The following SEC14L4 variants were observed in gnomAD, a reference collection of about 807,000 sequenced individuals.
SEC14L4 encodes SEC14-like protein 4.
SEC14L4 carries 42 observed loss-of-function variants against 55.1 expected under a neutral mutation model. The observed-to-expected ratio is 0.76, with a 90% CI of 0.60 to 0.99. SEC14L4 has a LOEUF of 0.99. Among genes scored for constraint, SEC14L4 ranks in the 50% least tolerant of loss-of-function variants. The probability of loss-of-function intolerance (pLI) is 0.00; values close to 1 mark genes in which losing one functional copy is unlikely to be tolerated. For synonymous variants in SEC14L4, 206 were observed against 206.8 expected (o/e 1.00, Z 0.03); for missense variants, 445 against 512.1 (o/e 0.87, Z 1.27).
chr22:30,492,303 C>T, intron 8 of SEC14L4, 148 bp from the exon 9 acceptor site: 1 of 1,193,458 alleles, frequency 8.4e-7, no homozygotes, highest in Non-Finnish European at 1.2e-6. Context: ...CTTTATGTGG[C>T]TCCCAGCCCA....
At chr22:30,498,340 A>G (rs2146190264) in intron 2 of SEC14L4, among the ~76,000 whole-genome samples, 1 of 152,096 alleles carries the variant, frequency 6.6e-6, no homozygotes, top group East Asian at 1.9e-4. Context: ...ACTTCAAGCG[A>G]TCTGCCTGCC....
At chr22:30,500,028 CCTGG>C (rs1464814847) in intron 2 of SEC14L4, among the ~76,000 whole-genome samples, 3 of 152,118 alleles carry the variant, frequency 2.0e-5, no homozygotes, top group Admixed American at 2.0e-4. Context: ...CACCACCATG[CCTGG>C]CTAATTTTTG....
intron 1 of SEC14L4, among the ~76,000 whole-genome samples, chr22:30,504,335 G>A (rs895354039): frequency 9.9e-5 from 15 of 152,184 alleles, no homozygotes; most frequent in Admixed American, 7.2e-4. Flanking sequence ...GATCACAGGC[G>A]TGAGCCACCA....
At chr22:30,502,858 A>AT (rs1418770674) in intron 2 of SEC14L4, among the ~76,000 whole-genome samples, 2 of 151,440 alleles carry the variant, frequency 1.3e-5, no homozygotes, top group Non-Finnish European at 1.5e-5. Flanking sequence ...GCTTGTTATT[A>AT]TTTTTTTAGA....
Position 30,488,917 on chromosome 22 carries a change from A to G in SEC14L4, c.*1190T>C, listed in dbSNP as rs887141640. Reference sequence around the variant, plus strand: ...TTTTTTTTTTTTTTTTTTTTTGCCAATCTGCTCAAACACCCAGTTGGAACA... The same window carrying G: ...TTTTTTTTTTTTTTTTTTTTTGCCAGTCTGCTCAAACACCCAGTTGGAACA... On this transcript the variant is annotated 3_prime_UTR_variant, in exon 12 of 12. Transcript: ENST00000255858. 1.7e-4 allele frequency: 24 copies of G among 143,152 alleles called. No homozygotes were observed. Among genetic ancestry groups the G allele is most frequent in the African/African-American group, 6.1e-4 (23 of 37,418 alleles). 8.9% of individuals were successfully genotyped at this position (143,152 alleles called of 1,614,324 possible).
At chr22:30,493,939 G>C (rs1250980087) in intron 7 of SEC14L4, among the ~76,000 whole-genome samples, 1 of 152,186 alleles carries the variant, frequency 6.6e-6, no homozygotes, top group African/African-American at 2.4e-5. Context: ...AGGAGGCGGA[G>C]GTTGCAGTGA....
intron 8 of SEC14L4, 147 bp from the exon 9 acceptor site, chr22:30,492,302 G>T: frequency 8.3e-7 from 1 of 1,198,546 alleles, no homozygotes; most frequent in Non-Finnish European, 1.2e-6. Flanking sequence ...CCTTTATGTG[G>T]CTCCCAGCCC....
rs967699185 is a variant in SEC14L4, at chr22:30,492,052, G to T, written c.768C>A (p.Thr256=). 2 of 1,613,838 alleles carry T rather than the reference G, an allele frequency of 1.2e-6. No individual in the cohort carries two copies. ...TDPDGNPKCL[T]KINYGGEVPK... is the part of the protein sequence containing the mutation. ...CCATCCTCTGGGCACCCTGTACCTT[G>T]GTCAGGCACTTGGGGTTGCCATCGG... Residue 256 remains threonine (T), a synonymous_variant, in exon 9 of 12, where the codon ACC becomes ACA. Transcript: ENST00000255858.
intron 2 of SEC14L4, among the ~76,000 whole-genome samples, chr22:30,497,176 T>TA (rs1247856182): frequency 7.2e-5 from 11 of 151,952 alleles, no homozygotes; most frequent in Admixed American, 2.0e-4. Flanking sequence ...CCGTCTCTAC[T>TA]AAAAATACAA....
intron 3 of SEC14L4, 84 bp from the exon 4 acceptor site, chr22:30,495,726 T>C: frequency 6.2e-7 from 1 of 1,610,700 alleles, no homozygotes; most frequent in Non-Finnish European, 8.5e-7. Flanking sequence ...GCCACCAAGA[T>C]CCCACCACAG....
chr22:30,495,349 C>A lies in SEC14L4; in HGVS notation c.328G>T (p.Gly110Cys), dbSNP rs757861587. ...FNIIGSLDPK[G>C]LLLSASKQDM... ...TGCTTGGAGGCTGACAGCAGGAGAC[C>A]CTTGGGGTCGAGGGACCCAATGATG... Residue 110 changes from glycine to cysteine, a missense_variant, in exon 5 of 12, where the codon GGT becomes TGT. Transcript: ENST00000255858. 6.2e-7 allele frequency: 1 copy of A among 1,614,048 alleles called. No individual in the cohort carries two copies. Among genetic ancestry groups the A allele is most frequent in the South Asian group, 1.1e-5 (1 of 91,072 alleles).
chr22:30,504,456 T>G (rs1303677576), intron 1 of SEC14L4, among the ~76,000 whole-genome samples: 2 of 152,186 alleles, frequency 1.3e-5, no homozygotes, highest in Admixed American at 1.3e-4. Context: ...GGGTTTAGAT[T>G]TAGAGGCAAG....
chr22:30,495,638 A>G lies in SEC14L4; in HGVS notation c.179T>C (p.Met60Thr). The stretch of plus-strand genomic sequence containing the variant: ...CAGGTCTTGTTGCTTCCGGAACTCC[A>G]TGTGCTGCAGGAACACAGCAGGAGC... ...QKSEDMLRRHMEFRKQQDLDN... is the reference protein window; with the variant it reads ...QKSEDMLRRHTEFRKQQDLDN... Residue 60 changes from methionine (M) to threonine (T), a missense_variant, in exon 4 of 12, where the codon ATG becomes ACG. Coordinates refer to ENST00000255858, the MANE Select transcript of SEC14L4 (RefSeq NM_174977.4). The G allele has an allele frequency of 6.2e-7, 1 of 1,614,024 alleles. No individual in the cohort carries two copies. The highest frequency in any genetic ancestry group is 1.3e-5 in the African/African-American group (1 of 75,014).
At chr22:30,496,967 C>T (rs1038930691) in intron 2 of SEC14L4, among the ~76,000 whole-genome samples, 3 of 152,148 alleles carry the variant, frequency 2.0e-5, no homozygotes, top group African/African-American at 7.2e-5. Flanking sequence ...AAACAATATG[C>T]GGGGTCAGAG....
chr22:30,498,147 T>G (rs1936210399), intron 2 of SEC14L4, among the ~76,000 whole-genome samples: 1 of 145,836 alleles, frequency 6.9e-6, no homozygotes, highest in East Asian at 2.0e-4. Context: ...TTTTTTTTTT[T>G]GAGACAGAGT....
chr22:30,499,971 G>C (rs1205794214), intron 2 of SEC14L4, among the ~76,000 whole-genome samples: 1 of 151,676 alleles, frequency 6.6e-6, no homozygotes, highest in Non-Finnish European at 1.5e-5. Flanking sequence ...CTGGGTTCAA[G>C]CGATTCTCCT....
chr22:30,494,899 G>A lies in SEC14L4; in HGVS notation c.486C>T (p.His162=), dbSNP rs55650691. 16,432 of 1,613,580 alleles carry A rather than the reference G, an allele frequency of 0.01. 122 individuals carry two copies. The highest frequency in any genetic ancestry group is 0.014 in the Middle Eastern group (87 of 6,062). The change falls in exon 6 of 12, where the codon CAC becomes CAT. Residue 162 remains histidine (H), a synonymous_variant. Coordinates refer to ENST00000255858, the MANE Select transcript of SEC14L4 (RefSeq NM_174977.4). ...VFDMEGLSLK[H]LWKPAVEVYQ... is the part of the protein sequence containing the mutation. ...AGACCTCCACAGCTGGCTTCCACAG[G>A]TGTTTCAGGCTCAGCCCCTCCATGT...
chr22:30,495,816 G>C (rs1936131424), intron 3 of SEC14L4, 112 bp downstream of exon 3: 1 of 1,590,128 alleles, frequency 6.3e-7, no homozygotes, highest in Non-Finnish European at 8.6e-7. Flanking sequence ...ATCGGGGGAG[G>C]AAGAAAGAAG....
At position 30,491,575 on chromosome 22, in the gene SEC14L4, A is replaced by G. The variant is rs370511113; in HGVS notation, c.1079T>C (p.Val360Ala). Reference sequence around the variant, plus strand: ...CCAGTAAACCCCGCAGCTCTTACAGACGCCAGCCTGGAGGCAGGTGAGGCT... The same window carrying G: ...CCAGTAAACCCCGCAGCTCTTACAGGCGCCAGCCTGGAGGCAGGTGAGGCT... Reference protein sequence around the residue: ...DGSLTCLQAGVYVLRFDNTYS... With the variant: ...DGSLTCLQAGAYVLRFDNTYS... Residue 360 changes from valine to alanine, a missense_variant and splice_region_variant, in exon 11 of 12, where the codon GTC becomes GCC. Val to Ala is a moderately conservative substitution (Grantham distance 64). Transcript: ENST00000255858. The G allele has an allele frequency of 8.7e-6, 14 of 1,614,062 alleles. No homozygotes were observed. The African/African-American group carries it at 1.9e-4, about 22-fold the overall frequency.
Sources: allele counts gnomAD v4.1 joint callset (sites outside exome capture counted in the v4.1 genomes callset), GRCh38; gene constraint gnomAD v4.1.1; transcripts MANE v1.5; gene names NCBI Gene and HGNC (gene_info 2026-07-23, HGNC 2026-07-21).